Variants in TENM4 observed in about 807,000 individuals in gnomAD.
TENM4 encodes the protein teneurin transmembrane protein 4.
In TENM4, 82 loss-of-function variants were observed where a neutral mutation model predicts 243.3. The observed-to-expected ratio is 0.34, with a 90% CI of 0.28 to 0.40. The LOEUF is 0.40. TENM4 is among the 10% of genes least tolerant of loss of function. The pLI, the probability that TENM4 is intolerant of heterozygous loss-of-function variation, is 1.00. For missense variants in TENM4, 3,138 were observed against 3,673.3 expected (o/e 0.85, Z 3.77); for synonymous variants, 1,412 against 1,456.3 (o/e 0.97, Z 0.69).
chr11:79,150,845 C>G (rs1261937350), intron 3 of TENM4, among the ~76,000 whole-genome samples: 21 of 152,252 alleles, frequency 1.4e-4, no homozygotes, highest in Middle Eastern at 3.4e-3. Flanking sequence ...ATAAACTACA[C>G]TTTATTAAGG....
intron 2 of TENM4, among the ~76,000 whole-genome samples, chr11:79,248,122 A>G (rs1183300685): frequency 6.6e-6 from 1 of 152,130 alleles, no homozygotes; most frequent in African/African-American, 2.4e-5. Flanking sequence ...TAATGTCCCC[A>G]TGTGTCCTCA....
At chr11:78,928,675 C>G (rs1182827278) in intron 6 of TENM4, among the ~76,000 whole-genome samples, 2 of 152,176 alleles carry the variant, frequency 1.3e-5, no homozygotes, top group Non-Finnish European at 2.9e-5. Flanking sequence ...TCTCGTTTTT[C>G]TCACAATTAA....
chr11:79,396,969 C>A (rs1227421941), intron 1 of TENM4, among the ~76,000 whole-genome samples: 1 of 152,206 alleles, frequency 6.6e-6, no homozygotes, highest in South Asian at 2.1e-4. Context: ...CTTTCATTTC[C>A]TCTTTGAGTT....
chr11:79,109,819 C>T (rs1460525584), intron 4 of TENM4, among the ~76,000 whole-genome samples: 1 of 152,170 alleles, frequency 6.6e-6, no homozygotes, highest in Non-Finnish European at 1.5e-5. Context: ...CACTCACTAG[C>T]CATGTGACTC....
At chr11:78,790,416 G>A (rs1857029479) in intron 15 of TENM4, among the ~76,000 whole-genome samples, 1 of 152,216 alleles carries the variant, frequency 6.6e-6, no homozygotes, top group East Asian at 1.9e-4. Context: ...CAGGGTTGGT[G>A]TTAGATCAAA....
At chr11:79,180,028 T>A (rs1013081482) in intron 3 of TENM4, among the ~76,000 whole-genome samples, 1 of 151,796 alleles carries the variant, frequency 6.6e-6, no homozygotes, top group African/African-American at 2.4e-5. Flanking sequence ...ACCTAAGGTC[T>A]GGGCTTGCAA....
At chr11:78,739,555 G>T (rs1028467879) in intron 19 of TENM4, among the ~76,000 whole-genome samples, 9 of 151,974 alleles carry the variant, frequency 5.9e-5, no homozygotes, top group African/African-American at 2.2e-4. Context: ...TCTAACAAAT[G>T]CTAGGTTGCC....
chr11:78,740,178 C>A (rs760950037), intron 19 of TENM4, among the ~76,000 whole-genome samples: 2 of 152,234 alleles, frequency 1.3e-5, no homozygotes, highest in African/African-American at 4.8e-5. Context: ...AAAAAAAGAT[C>A]TCAAATTCAG....
chr11:79,140,952 G>A (rs965890428), intron 4 of TENM4, among the ~76,000 whole-genome samples: 2 of 152,030 alleles, frequency 1.3e-5, no homozygotes, highest in African/African-American at 4.8e-5. Context: ...TGACTCTACC[G>A]TCTGTGGGTG....
intron 19 of TENM4, among the ~76,000 whole-genome samples, chr11:78,740,650 C>T (rs757779188): frequency 5.3e-5 from 8 of 152,160 alleles, no homozygotes; most frequent in Non-Finnish European, 7.4e-5. Flanking sequence ...TCTGTCCTTC[C>T]AGAGAATTAC....
chr11:79,086,551 G>A (rs1860814206), intron 4 of TENM4, among the ~76,000 whole-genome samples: 1 of 152,200 alleles, frequency 6.6e-6, no homozygotes, highest in Admixed American at 6.5e-5. Context: ...AAGAGGAACT[G>A]GGTCAGGTCT....
At chr11:79,303,266 T>G (rs994462034) in intron 1 of TENM4, among the ~76,000 whole-genome samples, 1 of 152,224 alleles carries the variant, frequency 6.6e-6, no homozygotes, top group African/African-American at 2.4e-5. Flanking sequence ...GGCTATGGAA[T>G]CAGAGTTTGG....
At chr11:79,308,388 C>T (rs763840414) in intron 1 of TENM4, among the ~76,000 whole-genome samples, 13 of 152,000 alleles carry the variant, frequency 8.6e-5, no homozygotes, top group East Asian at 5.8e-4. Flanking sequence ...CAAGATCTAA[C>T]GGCAGGTCTA....
At chr11:78,954,007 T>G (rs757687903) in intron 6 of TENM4, among the ~76,000 whole-genome samples, 5 of 152,240 alleles carry the variant, frequency 3.3e-5, no homozygotes, top group Admixed American at 6.5e-5. Flanking sequence ...TTTTAGGCCT[T>G]ATAAAGCAGA....
At chr11:79,419,268 C>T (rs1182955812) in intron 1 of TENM4, among the ~76,000 whole-genome samples, 2 of 152,214 alleles carry the variant, frequency 1.3e-5, no homozygotes, top group African/African-American at 2.4e-5. Context: ...CCTCCCTCTA[C>T]CCGCTGAGTC....
At chr11:78,828,943 TC>T (rs1857917661) in intron 12 of TENM4, among the ~76,000 whole-genome samples, 1 of 152,236 alleles carries the variant, frequency 6.6e-6, no homozygotes. Flanking sequence ...CCTCCCCAGT[TC>T]CCTGACCAAT....
chr11:79,253,638 A>G (rs940881756), intron 2 of TENM4, among the ~76,000 whole-genome samples: 2 of 152,134 alleles, frequency 1.3e-5, no homozygotes, highest in African/African-American at 2.4e-5. Context: ...AACCGATGGG[A>G]TCCTAAATAA....
intron 1 of TENM4, among the ~76,000 whole-genome samples, chr11:79,410,937 G>A (rs1191241931): frequency 2.6e-5 from 4 of 151,866 alleles, no homozygotes; most frequent in South Asian, 2.1e-4. Flanking sequence ...AATCATCCCT[G>A]TGCCCCTCTA....
intron 15 of TENM4, among the ~76,000 whole-genome samples, chr11:78,795,162 C>A (rs1341671983): frequency 6.6e-6 from 1 of 152,190 alleles, no homozygotes; most frequent in Non-Finnish European, 1.5e-5. Flanking sequence ...CCCCTCCCGG[C>A]AGCTGGAAGG....
Sources: gnomAD v4.1 joint callset for allele counts (sites outside exome capture counted in the v4.1 genomes callset) on GRCh38, gnomAD v4.1.1 for gene constraint, MANE v1.5 for transcripts, NCBI Gene and HGNC (gene_info 2026-07-23, HGNC 2026-07-21) for gene names.